Variants in LIPN observed in about 807,000 individuals in gnomAD.
LIPN encodes the protein lipase family member N, also known as lipase member N.
Under a neutral mutation model 43.7 loss-of-function variants are expected in LIPN, and 32 were observed. The observed-to-expected ratio is 0.73, with a 90% confidence interval of 0.55 to 0.98. The LOEUF (loss-of-function observed/expected upper bound fraction) is 0.98, where lower values mean the gene tolerates loss of function less well. LIPN is among the 50% of genes least tolerant of loss of function. The pLI, the probability that LIPN is intolerant of heterozygous loss-of-function variation, is 0.00. For missense variants in LIPN, 505 were observed against 483.8 expected, an observed-to-expected ratio of 1.04 and a Z score of -0.41; for synonymous variants, 156 against 157.6, an observed-to-expected ratio of 0.99 and a Z score of 0.08.
chr10:88,767,692 A>G (rs866243486), intron 5 of LIPN, among the ~76,000 whole-genome samples: 1 of 120,234 alleles, frequency 8.3e-6, no homozygotes, highest in African/African-American at 3.2e-5. Flanking sequence ...AAAAAAAAAA[A>G]CCATGGAGAA....
intron 7 of LIPN, among the ~76,000 whole-genome samples, chr10:88,771,986 T>A (rs1460153997): frequency 1.3e-5 from 2 of 151,958 alleles, no homozygotes; most frequent in African/African-American, 2.4e-5. Flanking sequence ...GTAGTTTTAG[T>A]TCGCATTTCT....
In LIPN at chr10:88,769,696, A is replaced by G. The variant is rs1243238017; in HGVS notation, c.672+768A>G. The G allele has an allele frequency of 5.7e-5, 29 of 511,254 alleles. No individual in the cohort carries two copies. The Admixed American group carries it at 1.9e-3, about 33-fold the overall frequency. 31.7% of individuals were successfully genotyped at this position (511,254 alleles called of 1,614,324 possible). A position where few individuals can be genotyped will look rare whatever the true frequency, so the allele number is the denominator to read the frequency against. On this transcript the variant is annotated intron_variant, in intron 6 of 9. Transcript: ENST00000404459. Reference sequence around the variant, plus strand: ...AAAATAATTCATATATAAGAAAATGAGACGTTGGTTTGGGGTAGAGTGGTA... The same window carrying G: ...AAAATAATTCATATATAAGAAAATGGGACGTTGGTTTGGGGTAGAGTGGTA...
rs765943984 is a variant in LIPN, at chr10:88,761,533, G to A, written c.108+20G>A. The A allele has an allele frequency of 1.2e-5, 19 of 1,522,648 alleles. No homozygotes were observed. The highest frequency in any genetic ancestry group is 2.7e-5 in the African/African-American group (2 of 73,000). 94.3% of individuals were successfully genotyped at this position (1,522,648 alleles called of 1,614,324 possible). On this transcript the variant is annotated intron_variant, in intron 2 of 9. Coordinates refer to ENST00000404459, the MANE Select transcript of LIPN (RefSeq NM_001102469.2). ...AATACTGTAAGTCATGGAAAACTGT[G>A]AAGAACATCAAATAAAGCAGGACTA... is the stretch of plus-strand genomic sequence containing the variant.
At chr10:88,760,833 C>G (rs1460859970) in intron 1 of LIPN, among the ~76,000 whole-genome samples, 2 of 152,092 alleles carry the variant, frequency 1.3e-5, no homozygotes, top group Non-Finnish European at 2.9e-5. Flanking sequence ...TGTTGGTCTA[C>G]CTTTGAATAG....
chr10:88,770,997 T>C lies in LIPN; in HGVS notation c.819+6T>C, dbSNP rs370167265. On this transcript the variant is annotated splice_donor_region_variant and intron_variant, in intron 7 of 9. Transcript: ENST00000404459. ...ACAAGAAAAATATGAATCAGGTATG[T>C]ATGATAATTATAGGGCCATTTGATA... The C allele has an allele frequency of 3.5e-5, 54 of 1,561,836 alleles. No individual in the cohort carries two copies. Among genetic ancestry groups the C allele is most frequent in the Non-Finnish European group, 4.5e-5 (52 of 1,151,268 alleles).
chr10:88,774,876 C>G (rs1001923711), intron 8 of LIPN, among the ~76,000 whole-genome samples: 1 of 151,748 alleles, frequency 6.6e-6, no homozygotes, highest in Non-Finnish European at 1.5e-5. Context: ...TCTAATGAGG[C>G]TTGGTTTTCC....
intron 7 of LIPN, among the ~76,000 whole-genome samples, chr10:88,773,434 T>C (rs1843243392): frequency 6.6e-6 from 1 of 151,976 alleles, no homozygotes; most frequent in African/African-American, 2.4e-5. Flanking sequence ...AACCTGCGTC[T>C]TATTTCATGT....
intron 9 of LIPN, 134 bp from the exon 10 acceptor site, chr10:88,777,875 C>A (rs111250489): frequency 5.2e-6 from 3 of 579,164 alleles, no homozygotes. Flanking sequence ...AAGGTAGAGA[C>A]CATTGTATGT....
chr10:88,769,742 T>C (rs1843174540), intron 6 of LIPN: 1 of 180,008 alleles, frequency 5.6e-6, no homozygotes, highest in Admixed American at 6.6e-5. Context: ...AAATTATTTG[T>C]GAGCTAACAC....
chr10:88,772,411 A>C (rs1843224807), intron 7 of LIPN, among the ~76,000 whole-genome samples: 1 of 151,838 alleles, frequency 6.6e-6, no homozygotes, highest in Non-Finnish European at 1.5e-5. Context: ...TCTTTAATCC[A>C]TTTTGATTTT....
At chr10:88,774,999 T>G in intron 8 of LIPN, 93 bp from the exon 9 acceptor site, 2 of 764,374 alleles carry the variant, frequency 2.6e-6, no homozygotes, top group Non-Finnish European at 4.3e-6. Context: ...GAGCCCTATT[T>G]TCGTCCTAGC....
chr10:88,777,800 G>A (rs1843319240), intron 9 of LIPN, among the ~76,000 whole-genome samples: 1 of 152,020 alleles, frequency 6.6e-6, no homozygotes, highest in East Asian at 1.9e-4. Flanking sequence ...GAGTGTTTAT[G>A]GCATTTAACA....
chr10:88,762,064 C>T, intron 2 of LIPN, 124 bp from the exon 3 acceptor site: 1 of 502,374 alleles, frequency 2.0e-6, no homozygotes. Context: ...ATTAATTTTA[C>T]AGTTACCTGG....
In LIPN at chr10:88,774,505, C is replaced by CA; in HGVS notation, c.853dup (p.Thr285AsnfsTer18). 1 of 1,611,138 alleles carries CA rather than the reference C, an allele frequency of 6.2e-7. No homozygotes were observed. Among genetic ancestry groups the CA allele is most frequent in the Non-Finnish European group, 8.5e-7 (1 of 1,178,056 alleles). ...TGGATGTGTATATGTCACATGCTCC[C>CA]ACTGGTTCATCAGTACACAACATTC... On this transcript the variant is annotated frameshift_variant, in exon 8 of 10. Coordinates refer to ENST00000404459, the MANE Select transcript of LIPN (RefSeq NM_001102469.2). LOFTEE classifies it high-confidence loss of function.
chr10:88,757,845 G>T (rs959656051), upstream of LIPN, among the ~76,000 whole-genome samples: 1 of 152,072 alleles, frequency 6.6e-6, no homozygotes, highest in Non-Finnish European at 1.5e-5. Context: ...ATTGAGCACT[G>T]TTTGAATTTT....
intron 1 of LIPN, among the ~76,000 whole-genome samples, chr10:88,760,575 G>C (rs1290340095): frequency 6.6e-6 from 1 of 152,036 alleles, no homozygotes; most frequent in Non-Finnish European, 1.5e-5. Context: ...ACTTTTATAA[G>C]AAAAATAGTG....
chr10:88,760,314 T>G (rs775189277), intron 1 of LIPN, among the ~76,000 whole-genome samples: 5 of 151,946 alleles, frequency 3.3e-5, no homozygotes, highest in Non-Finnish European at 5.9e-5. Flanking sequence ...GTACCAAAAT[T>G]AGGGAGATTT....
intron 2 of LIPN, among the ~76,000 whole-genome samples, chr10:88,761,715 T>C (rs1170467906): frequency 6.9e-6 from 1 of 145,310 alleles, no homozygotes; most frequent in Non-Finnish European, 1.5e-5. Context: ...ATTGTGCTAT[T>C]GTGCTATCTA....
upstream of LIPN, among the ~76,000 whole-genome samples, chr10:88,758,594 A>G (rs899287098): frequency 1.3e-5 from 2 of 149,416 alleles, no homozygotes; most frequent in African/African-American, 4.9e-5. Flanking sequence ...AATATATAAT[A>G]CAGAAAAATA....
Sources: gnomAD v4.1 joint callset for allele counts (sites outside exome capture counted in the v4.1 genomes callset) on GRCh38, gnomAD v4.1.1 for gene constraint, MANE v1.5 for transcripts, NCBI Gene and HGNC (gene_info 2026-07-23, HGNC 2026-07-21) for gene names.